BMP3: variants seen among roughly 807,000 people sequenced by gnomAD.
BMP3 encodes the protein bone morphogenetic protein 3 (osteogenic).
BMP3 carries 23 observed loss-of-function variants against 38.1 expected under a neutral mutation model. The ratio of observed to expected loss-of-function variants is 0.60; its 90% CI spans 0.43 to 0.86. The LOEUF (loss-of-function observed/expected upper bound fraction) is 0.86, where lower values mean the gene tolerates loss of function less well. Ranked by LOEUF, BMP3 falls within the 40% of genes least tolerant of loss-of-function variation. The probability of loss-of-function intolerance (pLI) is 0.00; values close to 1 mark genes in which losing one functional copy is unlikely to be tolerated. For missense variants in BMP3, 628 were observed against 579.6 expected (o/e 1.08, Z -0.86); for synonymous variants, 258 against 225.7 (o/e 1.14, Z -1.28).
At chr4:81,034,650 A>G (rs984008606) in intron 1 of BMP3, among the ~76,000 whole-genome samples, 4 of 152,190 alleles carry the variant, frequency 2.6e-5, no homozygotes. Context: ...CATTTTAGTG[A>G]GTACTTATCA....
At chr4:81,043,799 G>A (rs1440860320) in intron 1 of BMP3, among the ~76,000 whole-genome samples, 1 of 151,966 alleles carries the variant, frequency 6.6e-6, no homozygotes, top group Admixed American at 6.6e-5. Context: ...ATGGTGGCCA[G>A]GCTGGTCTTG....
intron 1 of BMP3, among the ~76,000 whole-genome samples, chr4:81,035,320 G>T (rs1402110511): frequency 6.6e-6 from 1 of 151,814 alleles, no homozygotes; most frequent in Non-Finnish European, 1.5e-5. Context: ...AAGAGACCAA[G>T]TGTTTCATTG....
At chr4:81,047,215 A>G (rs755219254) in intron 2 of BMP3, among the ~76,000 whole-genome samples, 20 of 152,196 alleles carry the variant, frequency 1.3e-4, no homozygotes, top group Non-Finnish European at 2.5e-4. Context: ...TCATTGCTAA[A>G]CATCAGAAAA....
Position 81,051,848 on chromosome 4 carries a change from AAAGT to A in BMP3, c.1228-1493_1228-1490del, listed in dbSNP as rs560776956. On this transcript the variant is annotated intron_variant, in intron 2 of 2. Transcript: ENST00000282701. Reference sequence around the variant, plus strand: ...ATATACTGAAAATCTCTAGGAAAAAAAAGTAAGAACAGTTGCCCATCATTAAGTC... The same window carrying A: ...ATATACTGAAAATCTCTAGGAAAAAAAAGAACAGTTGCCCATCATTAAGTC... Among the ~76,000 whole-genome samples, 309 of 152,322 alleles carry A rather than the reference AAAGT, an allele frequency of 2.0e-3. 3 individuals are homozygous for A. Among genetic ancestry groups the A allele is most frequent in the Non-Finnish European group, 3.7e-3 (250 of 68,030 alleles).
At position 81,031,524 on chromosome 4, in the gene BMP3, G is replaced by C; in HGVS notation, c.240G>C (p.Glu80Asp). The C allele has an allele frequency of 6.2e-7, 1 of 1,612,212 alleles. No homozygotes were observed. The highest frequency in any genetic ancestry group is 1.1e-5 in the South Asian group (1 of 90,678). ...CGGCCCGGACACCGGGCTCCCTGGAGGGAGGCTCGCAGCCCTGGCGCCCTC... is the reference window on the plus strand; with the variant it reads ...CGGCCCGGACACCGGGCTCCCTGGACGGAGGCTCGCAGCCCTGGCGCCCTC... ...VQAARTPGSL[E>D]GGSQPWRPRL... The change falls in exon 1 of 3, where the codon GAG becomes GAC. Residue 80 changes from glutamate (E) to aspartate (D), a missense_variant. By Grantham distance (45) the Glu-to-Asp change is conservative. Coordinates refer to ENST00000282701, the MANE Select transcript of BMP3 (RefSeq NM_001201.5).
At chr4:81,031,694 G>A (rs17346716) in intron 1 of BMP3, 94 bp downstream of exon 1, 140,700 of 1,402,712 alleles carry the variant, frequency 0.1, 7,998 homozygotes, top group Middle Eastern at 0.12. Context: ...TTGCTTGGTG[G>A]CGCTGCCTAG....
chr4:81,053,189 T>G (rs1740441638), intron 2 of BMP3, among the ~76,000 whole-genome samples, 156 bp from the exon 3 acceptor site: 1 of 152,154 alleles, frequency 6.6e-6, no homozygotes, highest in Non-Finnish European at 1.5e-5. Flanking sequence ...TTGGTAGTGG[T>G]GGGATAGGCG....
intron 1 of BMP3, among the ~76,000 whole-genome samples, chr4:81,042,310 G>T (rs1740099547): frequency 6.6e-6 from 1 of 152,158 alleles, no homozygotes; most frequent in African/African-American, 2.4e-5. Context: ...GTTCTAGTTA[G>T]CTAACATTTA....
intron 1 of BMP3, among the ~76,000 whole-genome samples, chr4:81,035,185 TC>T (rs753869087): frequency 2.6e-5 from 4 of 152,108 alleles, no homozygotes; most frequent in African/African-American, 4.8e-5. Context: ...CTTCATAATC[TC>T]TGACATTTAA....
In BMP3 at chr4:81,055,294, A is replaced by G. The variant is rs182285564; in HGVS notation, c.*1758A>G. 44 of 152,298 alleles carry G rather than the reference A, an allele frequency of 2.9e-4. No homozygotes were observed. The highest frequency in any genetic ancestry group is 9.9e-4 in the African/African-American group (41 of 41,552). 9.4% of individuals were successfully genotyped at this position (152,298 alleles called of 1,614,324 possible). ...GTGGTATTTTATTGCAAACCCATTA[A>G]AAGAATAACTCATGAAAAGAAGCTC... On this transcript the variant is annotated 3_prime_UTR_variant, in exon 3 of 3. Coordinates refer to ENST00000282701, the MANE Select transcript of BMP3 (RefSeq NM_001201.5).
Position 81,031,505 on chromosome 4 carries a change from G to A in BMP3, c.221G>A (p.Arg74Gln), listed in dbSNP as rs772205872. 1 of 1,612,812 alleles carries A rather than the reference G, an allele frequency of 6.2e-7. No individual in the cohort carries two copies. The highest frequency in any genetic ancestry group is 1.1e-5 in the South Asian group (1 of 90,764). ...YDRYSTVQAA[R>Q]TPGSLEGGSQ... ...AGGTACAGCACGGTCCAGGCGGCCC[G>A]GACACCGGGCTCCCTGGAGGGAGGC... The change falls in exon 1 of 3, where the codon CGG becomes CAG. Residue 74 changes from arginine to glutamine, a missense_variant. Coordinates refer to ENST00000282701, the MANE Select transcript of BMP3 (RefSeq NM_001201.5).
intron 1 of BMP3, among the ~76,000 whole-genome samples, chr4:81,037,960 G>A (rs188591713): frequency 3.2e-4 from 48 of 152,120 alleles, no homozygotes; most frequent in Non-Finnish European, 6.6e-4. Flanking sequence ...ACGGAGCTCA[G>A]AAATATGTGT....
chr4:81,055,652 T>C lies in BMP3; in HGVS notation c.*2116T>C, dbSNP rs1399625217. ...AAATTTAGGTTTTTTTCTAGAGCTG[T>C]ATCAACCAAAACTTCTGGCAATTCC... On this transcript the variant is annotated 3_prime_UTR_variant, in exon 3 of 3. Transcript: ENST00000282701. 1 of 152,184 alleles carries C rather than the reference T, an allele frequency of 6.6e-6. No individual in the cohort carries two copies. Among genetic ancestry groups the C allele is most frequent in the Non-Finnish European group, 1.5e-5 (1 of 68,028 alleles). The allele number at this position is 152,184 out of a possible 1,614,324, so 9.4% of individuals were successfully genotyped here. A position where few individuals can be genotyped will look rare whatever the true frequency, so the allele number is the denominator to read the frequency against.
chr4:81,039,053 A>G (rs1278485740), intron 1 of BMP3, among the ~76,000 whole-genome samples: 1 of 152,180 alleles, frequency 6.6e-6, no homozygotes, highest in Non-Finnish European at 1.5e-5. Flanking sequence ...TGAAGGAGAA[A>G]CACAATTCTA....
At chr4:81,038,598 T>C (rs1329798326) in intron 1 of BMP3, among the ~76,000 whole-genome samples, 3 of 152,222 alleles carry the variant, frequency 2.0e-5, no homozygotes, top group African/African-American at 7.2e-5. Context: ...CTACTTCATA[T>C]ACAATGATTA....
rs923020227 is a variant in BMP3 at position 81,054,434 on chromosome 4, A to T, written c.*898A>T. ...CTTTTATTTATTCTAAATTGAATTT[A>T]AAAATCCTTCCTAAAGCCATTAACT... On this transcript the variant is annotated 3_prime_UTR_variant, in exon 3 of 3. Transcript: ENST00000282701. The T allele has an allele frequency of 6.6e-6, 1 of 152,236 alleles. No homozygotes were observed. The highest frequency in any genetic ancestry group is 2.4e-5 in the African/African-American group (1 of 41,464). The allele number at this position is 152,236 out of a possible 1,614,324, so 9.4% of individuals were successfully genotyped here. A position where few individuals can be genotyped will look rare whatever the true frequency, so the allele number is the denominator to read the frequency against.
chr4:81,043,063 G>A (rs531490349), intron 1 of BMP3, among the ~76,000 whole-genome samples: 2 of 152,262 alleles, frequency 1.3e-5, no homozygotes, highest in African/African-American at 4.8e-5. Context: ...CTTGTGCTTG[G>A]GGACTCAATG....
In BMP3 at chr4:81,053,571, T is replaced by A. The variant is rs780000725; in HGVS notation, c.*35T>A. 7.6e-6 allele frequency: 9 copies of A among 1,186,834 alleles called. No individual in the cohort carries two copies. The highest frequency in any genetic ancestry group is 1.0e-5 in the Non-Finnish European group (9 of 891,024). 73.5% of individuals were successfully genotyped at this position (1,186,834 alleles called of 1,614,324 possible). On this transcript the variant is annotated 3_prime_UTR_variant, in exon 3 of 3. Coordinates refer to ENST00000282701, the MANE Select transcript of BMP3 (RefSeq NM_001201.5). ...GAACTCATTTGAATGCTTAATTCAA[T>A]CATTAGTTTATTTTTATGGACTTCT... is the stretch of plus-strand genomic sequence containing the variant.
chr4:81,048,449 C>A lies in BMP3; in HGVS notation c.1227+1801C>A, dbSNP rs140747657. On this transcript the variant is annotated intron_variant, in intron 2 of 2. Coordinates refer to ENST00000282701, the MANE Select transcript of BMP3 (RefSeq NM_001201.5). Reference sequence around the variant, plus strand: ...CCTGGGGAAGTAGTTTTTCCCTTTTCTCCTGACTACAATCTTCAGGACTCA... The same window carrying A: ...CCTGGGGAAGTAGTTTTTCCCTTTTATCCTGACTACAATCTTCAGGACTCA... Among the ~76,000 whole-genome samples the A allele has an allele frequency of 2.4e-3, 365 of 152,290 alleles. 2 individuals carry two copies. The highest frequency in any genetic ancestry group is 8.1e-3 in the African/African-American group (335 of 41,562).
Sources: allele counts gnomAD v4.1 joint callset (sites outside exome capture counted in the v4.1 genomes callset), GRCh38; gene constraint gnomAD v4.1.1; transcripts MANE v1.5; gene names NCBI Gene and HGNC (gene_info 2026-07-23, HGNC 2026-07-21).